SORCS3: variants seen among roughly 807,000 people sequenced by gnomAD.
The protein encoded by SORCS3 is VPS10 domain-containing receptor SorCS3.
In SORCS3, 57 loss-of-function variants were observed where a neutral mutation model predicts 146.3. That is an observed-to-expected ratio of 0.39 (90% CI 0.31 to 0.49). The LOEUF (loss-of-function observed/expected upper bound fraction) is 0.49. Ranked by LOEUF, SORCS3 falls within the 20% of genes least tolerant of loss-of-function variation. The pLI is 0.92. For missense variants in SORCS3, 1,341 were observed against 1,575.5 expected, an observed-to-expected ratio of 0.85 and a Z score of 2.52; for synonymous variants, 653 against 618.5, an observed-to-expected ratio of 1.06 and a Z score of -0.83.
chr10:104,827,022 C>T (rs2017944479), intron 1 of SORCS3, among the ~76,000 whole-genome samples: 2 of 152,192 alleles, frequency 1.3e-5, no homozygotes, highest in Admixed American at 1.3e-4. Context: ...GACACATCTT[C>T]AGGATCCACT....
chr10:104,856,860 A>T (rs945623548), intron 2 of SORCS3, among the ~76,000 whole-genome samples: 83 of 145,604 alleles, frequency 5.7e-4, no homozygotes, highest in African/African-American at 2.0e-3. Flanking sequence ...ATATTTATAT[A>T]TAAATAAATT....
chr10:105,117,310 C>T (rs903325835), intron 7 of SORCS3, among the ~76,000 whole-genome samples: 3 of 152,148 alleles, frequency 2.0e-5, no homozygotes, highest in Non-Finnish European at 4.4e-5. Context: ...TCAGGCTTTA[C>T]TTTTGGGGGT....
At chr10:105,201,355 A>ATACACCTCCTATCTCTGC in intron 16 of SORCS3, 102 bp downstream of exon 16, 5 of 1,372,916 alleles carry the variant, frequency 3.6e-6, no homozygotes, top group Non-Finnish European at 4.9e-6. Context: ...CATGACGCAG[A>ATACACCTCCTATCTCTGC]GATAGGAGGT....
intron 2 of SORCS3, among the ~76,000 whole-genome samples, chr10:104,913,876 T>C (rs962649352): frequency 1.9e-4 from 28 of 149,580 alleles, no homozygotes; most frequent in African/African-American, 5.7e-4. Flanking sequence ...GTTCAAGCAA[T>C]TCTTCTGCCT....
At chr10:105,112,686 C>G (rs574698417) in intron 7 of SORCS3, among the ~76,000 whole-genome samples, 1 of 152,080 alleles carries the variant, frequency 6.6e-6, no homozygotes, top group African/African-American at 2.4e-5. Context: ...CAGGGAGTAG[C>G]GCCAAGGCAG....
intron 4 of SORCS3, among the ~76,000 whole-genome samples, chr10:105,000,800 T>A (rs1193842061): frequency 6.6e-6 from 1 of 152,144 alleles, no homozygotes; most frequent in Non-Finnish European, 1.5e-5. Flanking sequence ...CTTTGTATAT[T>A]GGGCTCATTT....
intron 6 of SORCS3, among the ~76,000 whole-genome samples, chr10:105,096,578 T>C (rs2055748266): frequency 6.6e-6 from 1 of 152,166 alleles, no homozygotes; most frequent in African/African-American, 2.4e-5. Flanking sequence ...GAAAAAGTGC[T>C]GTGGGGACCA....
At chr10:105,095,988 T>C (rs558124117) in intron 6 of SORCS3, among the ~76,000 whole-genome samples, 5 of 152,082 alleles carry the variant, frequency 3.3e-5, no homozygotes, top group Non-Finnish European at 7.4e-5. Flanking sequence ...ATATAGAAAT[T>C]TGTGCTTTTC....
intron 6 of SORCS3, among the ~76,000 whole-genome samples, chr10:105,101,039 A>T (rs1022432270): frequency 2.6e-5 from 4 of 152,132 alleles, no homozygotes; most frequent in Non-Finnish European, 4.4e-5. Flanking sequence ...TTTCAGAACC[A>T]CTGGAGTATG....
intron 2 of SORCS3, among the ~76,000 whole-genome samples, chr10:104,854,181 G>T (rs2018304824): frequency 6.6e-6 from 1 of 152,226 alleles, no homozygotes; most frequent in Non-Finnish European, 1.5e-5. Flanking sequence ...TAACAGTAGG[G>T]TCTTCATAAA....
intron 2 of SORCS3, among the ~76,000 whole-genome samples, chr10:104,857,912 C>T (rs1350674291): frequency 6.6e-6 from 1 of 152,080 alleles, no homozygotes. Flanking sequence ...TCTGGGCGGT[C>T]GGTAGGGGAG....
rs918019847 is a variant in SORCS3, at chr10:105,167,285, T to G, written c.1837T>G (p.Phe613Val). The G allele has an allele frequency of 1.2e-6, 2 of 1,613,416 alleles. No individual in the cohort carries two copies. The highest frequency in any genetic ancestry group is 1.7e-6 in the Non-Finnish European group (2 of 1,179,498). Reference protein sequence around the residue: ...QIFDEEYNVWFLDWGGALVAM... With the variant: ...QIFDEEYNVWVLDWGGALVAM... ...CTTTGATGAAGAGTACAATGTCTGG[T>G]TCCTAGACTGGGGTGGTGCCCTCGT... Residue 613 changes from phenylalanine to valine, a missense_variant, in exon 13 of 27, where the codon TTC (phenylalanine) becomes GTC (valine). Phe to Val is a conservative substitution (Grantham distance 50, BLOSUM62 -1). Transcript: ENST00000369701.
intron 5 of SORCS3, among the ~76,000 whole-genome samples, chr10:105,045,033 AAAAAAAAAG>A (rs1312391671): frequency 7.3e-5 from 10 of 136,112 alleles, no homozygotes; most frequent in Non-Finnish European, 1.1e-4. Flanking sequence ...AAAAAAAAAA[AAAAAAAAAG>A]AAAGAAAGAA....
intron 3 of SORCS3, among the ~76,000 whole-genome samples, chr10:104,936,510 A>G (rs915074561): frequency 6.6e-6 from 1 of 152,204 alleles, no homozygotes; most frequent in Admixed American, 6.5e-5. Context: ...TTAACAAAAC[A>G]TAGATGGACT....
chr10:105,142,863 A>G (rs2056105108), intron 8 of SORCS3, among the ~76,000 whole-genome samples: 1 of 152,156 alleles, frequency 6.6e-6, no homozygotes, highest in Non-Finnish European at 1.5e-5. Flanking sequence ...TTGAATAATA[A>G]AAGAGAGGAA....
intron 1 of SORCS3, among the ~76,000 whole-genome samples, chr10:104,744,879 T>C (rs116804933): frequency 0.012 from 1,770 of 152,324 alleles, 27 homozygotes; most frequent in African/African-American, 0.04. Context: ...GTATTAAAAG[T>C]GAAGACACGT....
chr10:104,724,529 C>G (rs2016598328), intron 1 of SORCS3, among the ~76,000 whole-genome samples: 1 of 152,174 alleles, frequency 6.6e-6, no homozygotes, highest in African/African-American at 2.4e-5. Context: ...GCCTGCCTTA[C>G]TAGATTGGGG....
chr10:104,794,773 A>G (rs1299565059), intron 1 of SORCS3, among the ~76,000 whole-genome samples: 2 of 152,228 alleles, frequency 1.3e-5, no homozygotes, highest in African/African-American at 2.4e-5. Context: ...CTTCTTTGGT[A>G]GCAAGATTTA....
At chr10:105,067,215 CTCTA>C (rs748566196) in intron 5 of SORCS3, among the ~76,000 whole-genome samples, 13 of 152,170 alleles carry the variant, frequency 8.5e-5, no homozygotes, top group African/African-American at 1.2e-4. Flanking sequence ...ATATGTTCAA[CTCTA>C]TCTGTCAATT....
Sources: gnomAD v4.1 joint callset for allele counts (sites outside exome capture counted in the v4.1 genomes callset) on GRCh38, gnomAD v4.1.1 for gene constraint, MANE v1.5 for transcripts, NCBI Gene and HGNC (gene_info 2026-07-23, HGNC 2026-07-21) for gene names.